LDLRAD3: variants seen among roughly 807,000 people sequenced by gnomAD.
LDLRAD3 encodes low-density lipoprotein receptor class A domain-containing protein 3.
In LDLRAD3, 20 loss-of-function variants were observed where a neutral mutation model predicts 29.4. The ratio of observed to expected loss-of-function variants is 0.68; its 90% confidence interval spans 0.48 to 0.99. LDLRAD3 has a LOEUF of 0.99. LDLRAD3 is among the 50% of genes least tolerant of loss of function. The pLI is 0.00. For missense variants in LDLRAD3, 420 were observed against 454.3 expected (o/e 0.92, Z 0.69); for synonymous variants, 157 against 192.7 (o/e 0.81, Z 1.53).
At chr11:36,121,142 A>T (rs1368733966) in intron 4 of LDLRAD3, among the ~76,000 whole-genome samples, 1 of 152,132 alleles carries the variant, frequency 6.6e-6, no homozygotes, top group African/African-American at 2.4e-5. Flanking sequence ...TTCGTTGAAT[A>T]TGCAATTGGA....
chr11:35,950,237 G>A (rs953485423), intron 1 of LDLRAD3, among the ~76,000 whole-genome samples: 1 of 152,168 alleles, frequency 6.6e-6, no homozygotes, highest in Non-Finnish European at 1.5e-5. Flanking sequence ...ACCTTGATGG[G>A]AACACAGAGC....
chr11:36,214,457 A>G (rs1273066068), intron 4 of LDLRAD3, among the ~76,000 whole-genome samples: 1 of 152,204 alleles, frequency 6.6e-6, no homozygotes, highest in Non-Finnish European at 1.5e-5. Flanking sequence ...ATCCCACCTC[A>G]TTTGTGAGAA....
chr11:35,967,611 C>T, intron 1 of LDLRAD3: 1 of 457,588 alleles, frequency 2.2e-6, no homozygotes, highest in Non-Finnish European at 4.3e-6. Context: ...AACTAATCAG[C>T]TTCATTTTCA....
intron 4 of LDLRAD3, among the ~76,000 whole-genome samples, chr11:36,185,840 T>C (rs777836223): frequency 1.3e-5 from 2 of 152,234 alleles, no homozygotes; most frequent in Non-Finnish European, 2.9e-5. Flanking sequence ...TATAAAGCAC[T>C]GTTATGCATT....
At chr11:36,172,367 G>T (rs943703034) in intron 4 of LDLRAD3, among the ~76,000 whole-genome samples, 1 of 151,550 alleles carries the variant, frequency 6.6e-6, no homozygotes, top group Non-Finnish European at 1.5e-5. Flanking sequence ...CCAGAACTAT[G>T]TTGAATAGAA....
intron 2 of LDLRAD3, among the ~76,000 whole-genome samples, chr11:36,039,180 A>G (rs1852348532): frequency 1.3e-5 from 2 of 152,076 alleles, no homozygotes; most frequent in Non-Finnish European, 2.9e-5. Flanking sequence ...CGTGTTAGCC[A>G]GGATGGTCTG....
intron 4 of LDLRAD3, among the ~76,000 whole-genome samples, chr11:36,212,936 A>G (rs967920277): frequency 6.6e-5 from 10 of 152,218 alleles, no homozygotes; most frequent in Non-Finnish European, 1.5e-5. Flanking sequence ...TTAGGCAGAT[A>G]GAAAACCTCT....
chr11:36,227,944 C>A (rs1855523409), intron 5 of LDLRAD3, among the ~76,000 whole-genome samples: 1 of 152,168 alleles, frequency 6.6e-6, no homozygotes, highest in African/African-American at 2.4e-5. Flanking sequence ...CAGTGAGTTC[C>A]TTAACTTTGC....
intron 4 of LDLRAD3, among the ~76,000 whole-genome samples, chr11:36,159,273 C>G (rs1854400195): frequency 6.6e-6 from 1 of 152,220 alleles, no homozygotes; most frequent in East Asian, 1.9e-4. Context: ...TTGAGACCAG[C>G]CTGGGCAACA....
intron 4 of LDLRAD3, among the ~76,000 whole-genome samples, chr11:36,125,595 T>C (rs1478120905): frequency 6.6e-6 from 1 of 151,814 alleles, no homozygotes; most frequent in Non-Finnish European, 1.5e-5. Flanking sequence ...ATGGGGTGAG[T>C]TTGTAAGCTC....
At position 36,123,379 on chromosome 11, in the gene LDLRAD3, G is replaced by GT. The variant is rs1384755099; in HGVS notation, c.454+24921dup. On this transcript the variant is annotated intron_variant, in intron 4 of 5. Transcript: ENST00000315571. ...AGCTCCATTCTACAAGCTGGTGCAG[G>GT]TTTGCCCTACCTGCTTTTCTTTCTC... 2.0e-5 allele frequency among the ~76,000 whole-genome samples: 3 copies of GT among 152,334 alleles called. No individual in the cohort carries two copies. In the East Asian group the frequency reaches 5.8e-4, roughly 29 times the overall value.
intron 1 of LDLRAD3, among the ~76,000 whole-genome samples, chr11:35,994,750 C>T (rs1565149453): frequency 6.6e-6 from 1 of 152,218 alleles, no homozygotes; most frequent in Non-Finnish European, 1.5e-5. Context: ...CACTGCTTTG[C>T]CAGCTGTTTA....
At position 36,017,096 on chromosome 11, in the gene LDLRAD3, A is replaced by G. The variant is rs1389735054; in HGVS notation, c.47-19007A>G. On this transcript the variant is annotated intron_variant, in intron 1 of 5. Transcript: ENST00000315571. ...ACCATGTCAATGTGTTTTTTACATT[A>G]TTAACTGAAGAAAAACATTTGCCTT... Among the ~76,000 whole-genome samples, 22 of 152,376 alleles carry G rather than the reference A, an allele frequency of 1.4e-4. No individual in the cohort carries two copies. The South Asian group carries it at 4.1e-3, about 29-fold the overall frequency.
chr11:36,054,844 G>GATGGATGGATGA (rs1236014691), intron 2 of LDLRAD3, among the ~76,000 whole-genome samples: 28 of 149,280 alleles, frequency 1.9e-4, no homozygotes, highest in Non-Finnish European at 3.4e-4. Flanking sequence ...TGGATGAATG[G>GATGGATGGATGA]ATGGATGGAT....
intron 4 of LDLRAD3, among the ~76,000 whole-genome samples, chr11:36,100,355 C>G (rs2133276078): frequency 6.6e-6 from 1 of 152,186 alleles, no homozygotes; most frequent in East Asian, 1.9e-4. Context: ...TGATGGACAC[C>G]AAATAGGGAA....
chr11:36,064,264 C>G (rs1197713232), intron 2 of LDLRAD3, among the ~76,000 whole-genome samples: 3 of 152,130 alleles, frequency 2.0e-5, no homozygotes, highest in Non-Finnish European at 4.4e-5. Context: ...ACCTTGTCTC[C>G]TGCAACCTTG....
chr11:36,076,223 T>TCCAC (rs1852998802), intron 2 of LDLRAD3, among the ~76,000 whole-genome samples: 1 of 46,230 alleles, frequency 2.2e-5, no homozygotes, highest in Admixed American at 2.2e-4. Context: ...TGTCCATCCG[T>TCCAC]CCATCCATCC....
chr11:36,016,274 T>C (rs1219042971), intron 1 of LDLRAD3, among the ~76,000 whole-genome samples: 1 of 152,204 alleles, frequency 6.6e-6, no homozygotes, highest in Non-Finnish European at 1.5e-5. Flanking sequence ...TGCTAACTCA[T>C]TAATAAGCAG....
intron 1 of LDLRAD3, among the ~76,000 whole-genome samples, chr11:36,006,837 C>G (rs1851891502): frequency 6.6e-6 from 1 of 152,252 alleles, no homozygotes. Context: ...GGATTCAGAC[C>G]TTACTTCTGG....
Sources: gnomAD v4.1 joint callset for allele counts (sites outside exome capture counted in the v4.1 genomes callset) on GRCh38, gnomAD v4.1.1 for gene constraint, MANE v1.5 for transcripts, NCBI Gene and HGNC (gene_info 2026-07-23, HGNC 2026-07-21) for gene names.